The following RAB27A variants were observed in gnomAD, a reference collection of about 807,000 sequenced individuals.
RAB27A encodes the protein RAB27A, member RAS oncogene family, also known as ras-related protein Rab-27A.
Under a neutral mutation model 20.8 loss-of-function variants are expected in RAB27A, and 17 were observed. The observed-to-expected ratio is 0.82, with a 90% CI of 0.56 to 1.23. The LOEUF is 1.23. RAB27A is among the 50% of genes most tolerant of loss of function. The pLI is 0.00. For missense variants in RAB27A, 277 were observed against 266.7 expected (o/e 1.04, Z -0.27); for synonymous variants, 85 against 92.8 (o/e 0.92, Z 0.48).
intron 5 of RAB27A, among the ~76,000 whole-genome samples, chr15:55,226,303 T>C (rs1252220800): frequency 6.6e-6 from 1 of 152,162 alleles, no homozygotes; most frequent in Non-Finnish European, 1.5e-5. Flanking sequence ...TGTCTCCTCA[T>C]CTGAGTGGGG....
intron 2 of RAB27A, among the ~76,000 whole-genome samples, chr15:55,239,571 C>T (rs759126872): frequency 3.3e-5 from 5 of 152,088 alleles, no homozygotes; most frequent in Non-Finnish European, 7.4e-5. Context: ...TGACAGATAA[C>T]AGGGAAATAT....
chr15:55,210,077 C>CATATATACACATATATGTGTGT (rs1326130540), intron 6 of RAB27A, among the ~76,000 whole-genome samples: 42 of 83,214 alleles, frequency 5.0e-4, no homozygotes, highest in African/African-American at 3.2e-3. Context: ...TGTACATATA[C>CATATATACACATATATGTGTGT]ATATATACAC....
At chr15:55,274,794 T>TTA (rs371945954) in intron 1 of RAB27A, among the ~76,000 whole-genome samples, 1,493 of 52,106 alleles carry the variant, frequency 0.029, 103 homozygotes, top group East Asian at 0.1. Flanking sequence ...AATAAATAAA[T>TTA]TATATATATA....
chr15:55,224,299 GCA>G (rs959704468), intron 5 of RAB27A, among the ~76,000 whole-genome samples: 4 of 152,062 alleles, frequency 2.6e-5, no homozygotes, highest in South Asian at 2.1e-4. Flanking sequence ...GCACACATAT[GCA>G]CACACACACA....
chr15:55,274,496 G>A (rs1439884385), intron 1 of RAB27A, among the ~76,000 whole-genome samples: 1 of 149,558 alleles, frequency 6.7e-6, no homozygotes, highest in Non-Finnish European at 1.5e-5. Context: ...TGACAAAACT[G>A]GCTGGGTGCG....
At chr15:55,267,903 T>C (rs1240929568) in intron 2 of RAB27A, among the ~76,000 whole-genome samples, 2 of 152,150 alleles carry the variant, frequency 1.3e-5, no homozygotes, top group African/African-American at 2.4e-5. Flanking sequence ...GACCGTTCCC[T>C]TTCTGCCACA....
chr15:55,234,903 T>G lies in RAB27A; in HGVS notation c.32A>C (p.Lys11Thr). 1 of 1,612,952 alleles carries G rather than the reference T, an allele frequency of 6.2e-7. No individual in the cohort carries two copies. Among genetic ancestry groups the G allele is most frequent in the Non-Finnish European group, 8.5e-7 (1 of 1,179,380 alleles). The change falls in exon 3 of 7, where the codon AAG (lysine) becomes ACG (threonine). Residue 11 changes from lysine to threonine, a missense_variant. By Grantham distance (78) the Lys-to-Thr change is moderately conservative. Transcript: ENST00000336787. MSDGDYDYLI[K>T]FLALGDSGVG... ...ACCAGAGTCTCCCAAAGCTAAAAAC[T>G]TGATGAGGTAATCATAATCTCCATC...
intron 2 of RAB27A, among the ~76,000 whole-genome samples, chr15:55,298,599 T>G (rs914414002): frequency 3.3e-5 from 5 of 152,182 alleles, no homozygotes; most frequent in African/African-American, 1.2e-4. Flanking sequence ...GTGTCACTGA[T>G]AACATCTTAT....
At chr15:55,262,977 T>C (rs1284129904) in intron 2 of RAB27A, among the ~76,000 whole-genome samples, 1 of 152,220 alleles carries the variant, frequency 6.6e-6, no homozygotes, top group Non-Finnish European at 1.5e-5. Flanking sequence ...AGTACGAGTA[T>C]TATGAATGGG....
intron 2 of RAB27A, among the ~76,000 whole-genome samples, chr15:55,309,954 C>T (rs1193885965): frequency 6.6e-6 from 1 of 151,936 alleles, no homozygotes; most frequent in Non-Finnish European, 1.5e-5. Flanking sequence ...GAGGCAGAAT[C>T]CTTTAGTTTA....
chr15:55,279,162 A>G (rs770393548), intron 1 of RAB27A, among the ~76,000 whole-genome samples: 52 of 152,196 alleles, frequency 3.4e-4, no homozygotes, highest in Non-Finnish European at 6.2e-4. Flanking sequence ...AGCCAGGCAG[A>G]TAAGACTCTT....
At chr15:55,299,504 G>A (rs1363300562) in intron 2 of RAB27A, among the ~76,000 whole-genome samples, 1 of 150,420 alleles carries the variant, frequency 6.6e-6, no homozygotes, top group Non-Finnish European at 1.5e-5. Flanking sequence ...TGAGGCAGGA[G>A]AATTGCTCCA....
chr15:55,222,731 T>C (rs1286444073), intron 6 of RAB27A, among the ~76,000 whole-genome samples: 3 of 152,164 alleles, frequency 2.0e-5, no homozygotes, highest in African/African-American at 7.2e-5. Context: ...TTGGCCTTCT[T>C]GGATTCTGCT....
intron 1 of RAB27A, among the ~76,000 whole-genome samples, chr15:55,271,954 G>A (rs1374997800): frequency 6.6e-6 from 1 of 152,110 alleles, no homozygotes; most frequent in Non-Finnish European, 1.5e-5. Flanking sequence ...CACACCTGAC[G>A]AAAATCTCAT....
chr15:55,263,996 A>C (rs1897368343), intron 2 of RAB27A, among the ~76,000 whole-genome samples: 1 of 152,088 alleles, frequency 6.6e-6, no homozygotes, highest in Non-Finnish European at 1.5e-5. Flanking sequence ...TCCACACCTG[A>C]CTCCAAAGAG....
intron 1 of RAB27A, among the ~76,000 whole-genome samples, chr15:55,283,145 T>C (rs1026258645): frequency 1.3e-5 from 2 of 152,146 alleles, no homozygotes; most frequent in Non-Finnish European, 2.9e-5. Context: ...AGGATAATCC[T>C]TTGTTGGGGG....
intron 6 of RAB27A, chr15:55,206,358 G>C: frequency 3.0e-6 from 2 of 664,302 alleles, no homozygotes; most frequent in Non-Finnish European, 3.7e-6. Context: ...AGTTTTTGGA[G>C]GGTTTTTTGT....
chr15:55,313,780 TG>T (rs1470258360), intron 2 of RAB27A, among the ~76,000 whole-genome samples: 1 of 152,048 alleles, frequency 6.6e-6, no homozygotes, highest in Non-Finnish European at 1.5e-5. Flanking sequence ...AAGACCATCC[TG>T]GCTGACATGG....
intron 5 of RAB27A, among the ~76,000 whole-genome samples, chr15:55,226,660 A>G (rs2140966800): frequency 6.6e-6 from 1 of 152,228 alleles, no homozygotes; most frequent in East Asian, 1.9e-4. Context: ...ACCTGAGGTC[A>G]GGAGTTGGAT....
Sources: allele counts gnomAD v4.1 joint callset (sites outside exome capture counted in the v4.1 genomes callset), GRCh38; gene constraint gnomAD v4.1.1; transcripts MANE v1.5; gene names NCBI Gene and HGNC (gene_info 2026-07-23, HGNC 2026-07-21).